The following EPHA7 variants were observed in gnomAD, a reference collection of about 807,000 sequenced individuals.
EPHA7 encodes EPH receptor A7, also known as ephrin type-A receptor 7.
EPHA7 carries 25 observed loss-of-function variants against 112.6 expected under a neutral mutation model. That is an observed-to-expected ratio of 0.22 (90% CI 0.16 to 0.31). The LOEUF is 0.31. Ranked by LOEUF, EPHA7 falls within the 10% of genes least tolerant of loss-of-function variation. EPHA7 has a pLI of 1.00. For synonymous variants in EPHA7, 437 were observed against 406.5 expected, an observed-to-expected ratio of 1.07 and a Z score of -0.90; for missense variants, 962 against 1,212.6, an observed-to-expected ratio of 0.79 and a Z score of 3.07.
chr6:93,301,811 A>C (rs546088193), intron 5 of EPHA7, among the ~76,000 whole-genome samples: 21 of 152,262 alleles, frequency 1.4e-4, no homozygotes, highest in African/African-American at 5.1e-4. Flanking sequence ...TACATCAGTT[A>C]CCACAACTAC....
intron 2 of EPHA7, among the ~76,000 whole-genome samples, chr6:93,411,740 T>A (rs1317032330): frequency 6.6e-6 from 1 of 152,164 alleles, no homozygotes; most frequent in Non-Finnish European, 1.5e-5. Context: ...ACAGAGCTAT[T>A]TATTTATTCC....
intron 3 of EPHA7, among the ~76,000 whole-genome samples, chr6:93,376,447 C>T (rs1197624773): frequency 6.6e-6 from 1 of 152,104 alleles, no homozygotes; most frequent in Non-Finnish European, 1.5e-5. Context: ...GGTCCATTTT[C>T]ATAAACCAAT....
At chr6:93,353,529 T>A (rs1394163916) in intron 5 of EPHA7, among the ~76,000 whole-genome samples, 2 of 152,154 alleles carry the variant, frequency 1.3e-5, no homozygotes, top group African/African-American at 4.8e-5. Context: ...GCACTCACAT[T>A]ATTTTCCCTC....
intron 11 of EPHA7, 43 bp from the exon 12 acceptor site, chr6:93,257,566 T>A (rs1770494242): frequency 7.6e-7 from 1 of 1,315,066 alleles, no homozygotes. Flanking sequence ...TAACCTGAGC[T>A]GGAGGGTCAT....
intron 5 of EPHA7, among the ~76,000 whole-genome samples, chr6:93,288,041 A>G (rs1582453838): frequency 6.6e-6 from 1 of 152,208 alleles, no homozygotes; most frequent in South Asian, 2.1e-4. Flanking sequence ...AGAGTTAAAT[A>G]TAAAGTTACC....
intron 9 of EPHA7, among the ~76,000 whole-genome samples, chr6:93,261,379 T>C (rs1296869941): frequency 6.6e-6 from 1 of 151,500 alleles, no homozygotes; most frequent in Non-Finnish European, 1.5e-5. Context: ...GTCCATGTAC[T>C]AAATAGAGGA....
chr6:93,363,309 G>T (rs1776347076), intron 3 of EPHA7, among the ~76,000 whole-genome samples: 1 of 151,992 alleles, frequency 6.6e-6, no homozygotes, highest in African/African-American at 2.4e-5. Flanking sequence ...TAACACTGAG[G>T]AGGTAAAATT....
chr6:93,410,119 TATGG>T lies in EPHA7; in HGVS notation c.832+378_832+381del. 1 of 179,966 alleles carries T rather than the reference TATGG, an allele frequency of 5.6e-6. No individual in the cohort carries two copies. The highest frequency in any genetic ancestry group is 1.2e-5 in the Non-Finnish European group (1 of 83,504). The allele number at this position is 179,966 out of a possible 1,614,324, so 11.1% of individuals were successfully genotyped here. A position where few individuals can be genotyped will look rare whatever the true frequency, so the allele number is the denominator to read the frequency against. On this transcript the variant is annotated intron_variant, in intron 3 of 16. Coordinates refer to ENST00000369303, the MANE Select transcript of EPHA7 (RefSeq NM_004440.4). This position sits in a 1 kb window ranked among gnomAD's most constrained non-coding sequence, Gnocchi z 4.0. ...TACTGCTACTCAAGGGCCCAGACAA[TATGG>T]GTTTAAAAACAGGAGGAATGGCATC... is the stretch of plus-strand genomic sequence containing the variant.
chr6:93,354,744 T>C (rs1341237742), intron 5 of EPHA7, among the ~76,000 whole-genome samples: 1 of 151,896 alleles, frequency 6.6e-6, no homozygotes, highest in African/African-American at 2.4e-5. Context: ...TCCAGAAACT[T>C]ACAGAAATTT....
chr6:93,390,182 C>A (rs75169660), intron 3 of EPHA7, among the ~76,000 whole-genome samples: 1,801 of 145,926 alleles, frequency 0.012, 40 homozygotes, highest in African/African-American at 0.043. Context: ...AGAAAATCTA[C>A]AATGTGGAAT....
chr6:93,341,186 C>A (rs1775118672), intron 5 of EPHA7, among the ~76,000 whole-genome samples: 1 of 151,924 alleles, frequency 6.6e-6, no homozygotes, highest in East Asian at 1.9e-4. Flanking sequence ...AAACAGACAG[C>A]CAATCCATCT....
intron 3 of EPHA7, among the ~76,000 whole-genome samples, chr6:93,387,594 A>G (rs1290254825): frequency 6.6e-6 from 1 of 152,122 alleles, no homozygotes; most frequent in Non-Finnish European, 1.5e-5. Flanking sequence ...AATAGCCCAA[A>G]CTGAGTAATT....
rs9345353 is a variant in EPHA7 at position 93,355,150 on chromosome 6, A to C, written c.1324+1567T>G. Among the ~76,000 whole-genome samples, 1,572 of 152,302 alleles carry C rather than the reference A, an allele frequency of 0.01. 134 individuals carry two copies. The East Asian group carries it at 0.2, about 19-fold the overall frequency. The stretch of plus-strand genomic sequence containing the variant: ...ATGTCTAATAAAAGAGGTAAGTCCA[A>C]AGTAAAATAGGTAAGTCCAGGTAAT... On this transcript the variant is annotated intron_variant, in intron 5 of 16. Transcript: ENST00000369303.
At chr6:93,407,960 C>T (rs1344269279) in intron 3 of EPHA7, among the ~76,000 whole-genome samples, 1 of 151,860 alleles carries the variant, frequency 6.6e-6, no homozygotes, top group African/African-American at 2.4e-5. Context: ...TAATTAGAAG[C>T]ATAAAACTCA....
At chr6:93,376,386 C>A (rs1283435161) in intron 3 of EPHA7, among the ~76,000 whole-genome samples, 1 of 152,094 alleles carries the variant, frequency 6.6e-6, no homozygotes, top group Non-Finnish European at 1.5e-5. Context: ...GGCGACCCAC[C>A]TGTCTTGGCC....
In EPHA7 at chr6:93,272,182, A is replaced by G. The variant is rs571007071; in HGVS notation, c.1449+116T>C. 72 of 1,133,938 alleles carry G rather than the reference A, an allele frequency of 6.3e-5. No homozygotes were observed. The East Asian group carries it at 1.7e-3, about 27-fold the overall frequency. The allele number at this position is 1,133,938 out of a possible 1,614,324, so 70.2% of individuals were successfully genotyped here. On this transcript the variant is annotated intron_variant, in intron 6 of 16. Transcript: ENST00000369303. ...TTATTATAAATGGCTAAAATTAACT[A>G]CGAAGTTTGAAGTAGCTCCAAATTG...
chr6:93,288,468 G>A (rs345712), intron 5 of EPHA7, among the ~76,000 whole-genome samples: 4,248 of 152,202 alleles, frequency 0.028, 183 homozygotes, highest in African/African-American at 0.097. Flanking sequence ...TTCTAATACT[G>A]GATTGTGGTG....
chr6:93,323,995 G>T (rs1421902490), intron 5 of EPHA7, among the ~76,000 whole-genome samples: 6 of 151,388 alleles, frequency 4.0e-5, no homozygotes. Flanking sequence ...ATTATCAGTG[G>T]TCTGCTTTCC....
chr6:93,372,920 C>A (rs189578219), intron 3 of EPHA7, among the ~76,000 whole-genome samples: 2 of 152,144 alleles, frequency 1.3e-5, no homozygotes, highest in Admixed American at 1.3e-4. Flanking sequence ...ACTTCTTCCA[C>A]TACCTTTTTA....
Sources: gnomAD v4.1 joint callset for allele counts (sites outside exome capture counted in the v4.1 genomes callset) on GRCh38, gnomAD v4.1.1 for gene constraint, Gnocchi (gnomAD v3.1) non-coding constraint, MANE v1.5 for transcripts, NCBI Gene and HGNC (gene_info 2026-07-23, HGNC 2026-07-21) for gene names.